CDKAL1: variants seen among roughly 807,000 people sequenced by gnomAD.
The protein encoded by CDKAL1 is threonylcarbamoyladenosine tRNA methylthiotransferase.
In CDKAL1, 32 loss-of-function variants were observed where a neutral mutation model predicts 68.2. That is an observed-to-expected ratio of 0.47 (90% CI 0.35 to 0.63). CDKAL1 has a LOEUF of 0.63. Ranked by LOEUF, CDKAL1 falls within the 30% of genes least tolerant of loss-of-function variation. The pLI is 0.00. For synonymous variants in CDKAL1, 234 were observed against 244.3 expected (o/e 0.96, Z 0.39); for missense variants, 606 against 696.7 (o/e 0.87, Z 1.47).
chr6:20,601,273 G>A (rs1766085175), intron 4 of CDKAL1, among the ~76,000 whole-genome samples: 1 of 152,106 alleles, frequency 6.6e-6, no homozygotes, highest in Non-Finnish European at 1.5e-5. Flanking sequence ...TTCATCCAAT[G>A]TCATTGATTA....
chr6:21,008,725 A>G (rs144003398), intron 11 of CDKAL1, among the ~76,000 whole-genome samples: 13 of 152,126 alleles, frequency 8.5e-5, no homozygotes, highest in African/African-American at 2.4e-4. Flanking sequence ...CACCCCCACA[A>G]CTCTGCACCG....
chr6:20,542,443 C>T (rs1319668761), intron 2 of CDKAL1, among the ~76,000 whole-genome samples: 1 of 152,026 alleles, frequency 6.6e-6, no homozygotes, highest in African/African-American at 2.4e-5. Flanking sequence ...ATCTTTAAAG[C>T]GAGGATAGTA....
chr6:20,976,965 G>C (rs1765874778), intron 10 of CDKAL1, among the ~76,000 whole-genome samples: 1 of 152,108 alleles, frequency 6.6e-6, no homozygotes, highest in African/African-American at 2.4e-5. Flanking sequence ...AGAACATTCT[G>C]TACATATCTT....
chr6:21,023,255 G>A (rs1175309860), intron 11 of CDKAL1, among the ~76,000 whole-genome samples: 1 of 151,908 alleles, frequency 6.6e-6, no homozygotes, highest in African/African-American at 2.4e-5. Flanking sequence ...TATTTACTCC[G>A]AGGTGATTTA....
chr6:20,973,553 T>A (rs1433742947), intron 10 of CDKAL1, among the ~76,000 whole-genome samples: 1 of 152,208 alleles, frequency 6.6e-6, no homozygotes, highest in Non-Finnish European at 1.5e-5. Flanking sequence ...CTGCTTCAGC[T>A]GCTGCCATCC....
chr6:21,037,238 G>A (rs2150888596), intron 11 of CDKAL1, among the ~76,000 whole-genome samples: 1 of 152,214 alleles, frequency 6.6e-6, no homozygotes, highest in Non-Finnish European at 1.5e-5. Context: ...ATTGTTTTTA[G>A]CACAGAGTGA....
Position 20,722,517 on chromosome 6 carries a change from C to G in CDKAL1, c.372-17002C>G, listed in dbSNP as rs1287741815. 9.0e-6 allele frequency: 3 copies of G among 335,180 alleles called. No individual in the cohort carries two copies. The Admixed American group carries it at 1.0e-4, about 11-fold the overall frequency. The allele number at this position is 335,180 out of a possible 1,614,324, so 20.8% of individuals were successfully genotyped here. A position where few individuals can be genotyped will look rare whatever the true frequency, so the allele number is the denominator to read the frequency against. On this transcript the variant is annotated intron_variant, in intron 5 of 15. Coordinates refer to ENST00000274695, the MANE Select transcript of CDKAL1 (RefSeq NM_017774.3). ...AATGGGTTTAGTATGCCCACCATAG[C>G]CACTCTGCTTCCTGTCATAATGCTG...
intron 4 of CDKAL1, among the ~76,000 whole-genome samples, chr6:20,642,925 ACAAC>A (rs1050303998): frequency 2.0e-5 from 3 of 151,326 alleles, no homozygotes; most frequent in African/African-American, 7.3e-5. Flanking sequence ...AACAACAACA[ACAAC>A]AACAACAACA....
chr6:21,211,871 C>G (rs1779162895), intron 15 of CDKAL1, among the ~76,000 whole-genome samples: 1 of 152,166 alleles, frequency 6.6e-6, no homozygotes, highest in Non-Finnish European at 1.5e-5. Flanking sequence ...GATCCTCCCA[C>G]CTCAGCCTCC....
chr6:20,944,930 C>A (rs1455118763), intron 9 of CDKAL1, among the ~76,000 whole-genome samples: 3 of 152,122 alleles, frequency 2.0e-5, no homozygotes, highest in Non-Finnish European at 4.4e-5. Context: ...ATCTGTCAGA[C>A]CTTCCTATTC....
intron 4 of CDKAL1, among the ~76,000 whole-genome samples, chr6:20,589,424 G>T (rs1230887339): frequency 6.6e-6 from 1 of 152,144 alleles, no homozygotes; most frequent in African/African-American, 2.4e-5. Context: ...AGATGCAATC[G>T]CTAGTCTTGC....
chr6:20,864,973 A>G (rs1759823224), intron 9 of CDKAL1, among the ~76,000 whole-genome samples: 1 of 152,198 alleles, frequency 6.6e-6, no homozygotes, highest in African/African-American at 2.4e-5. Context: ...TATAAATACA[A>G]TTCAGGCATT....
intron 9 of CDKAL1, among the ~76,000 whole-genome samples, chr6:20,874,866 T>A (rs1273355499): frequency 2.0e-5 from 3 of 151,874 alleles, no homozygotes; most frequent in African/African-American, 7.3e-5. Context: ...TCAGAAGAGA[T>A]GGGAAAGGAA....
intron 11 of CDKAL1, among the ~76,000 whole-genome samples, chr6:21,006,860 A>G (rs1357625268): frequency 6.6e-6 from 1 of 152,118 alleles, no homozygotes; most frequent in Non-Finnish European, 1.5e-5. Context: ...TTCACTTTAT[A>G]TCCTTCCTTT....
At chr6:21,185,577 G>GC (rs1777975555) in intron 13 of CDKAL1, among the ~76,000 whole-genome samples, 1 of 152,150 alleles carries the variant, frequency 6.6e-6, no homozygotes, top group Non-Finnish European at 1.5e-5. Context: ...GAAATAGGGA[G>GC]CGAGGATAGG....
chr6:21,164,574 A>T (rs779545509), intron 13 of CDKAL1, among the ~76,000 whole-genome samples: 3 of 152,246 alleles, frequency 2.0e-5, no homozygotes, highest in Non-Finnish European at 4.4e-5. Flanking sequence ...GATGCCATTT[A>T]TGCCTAATAT....
At position 21,126,877 on chromosome 6, in the gene CDKAL1, T is replaced by C. The variant is rs76100139; in HGVS notation, c.1299+18414T>C. Among the ~76,000 whole-genome samples the C allele has an allele frequency of 5.6e-3, 846 of 152,364 alleles. 7 individuals are homozygous for C. The highest frequency in any genetic ancestry group is 0.018 in the African/African-American group (765 of 41,590). On this transcript the variant is annotated intron_variant, in intron 13 of 15. Transcript: ENST00000274695. ...GGTAGTTTTTGCATTAAGCAAAGTT[T>C]GATTCAGGACTCAAGTGGTATCACC...
chr6:20,772,610 A>G (rs573910246), intron 7 of CDKAL1, among the ~76,000 whole-genome samples: 28 of 152,364 alleles, frequency 1.8e-4, no homozygotes, highest in African/African-American at 6.7e-4. Flanking sequence ...TAACTTAATT[A>G]TTAGTTATAC....
chr6:20,571,107 T>C (rs1269057721), intron 4 of CDKAL1, among the ~76,000 whole-genome samples: 1 of 152,212 alleles, frequency 6.6e-6, no homozygotes, highest in African/African-American at 2.4e-5. Flanking sequence ...GAGAATTATA[T>C]TGATGTTACG....
Sources: gnomAD v4.1 joint callset for allele counts (sites outside exome capture counted in the v4.1 genomes callset) on GRCh38, gnomAD v4.1.1 for gene constraint, MANE v1.5 for transcripts, NCBI Gene and HGNC (gene_info 2026-07-23, HGNC 2026-07-21) for gene names.